The following RRP12 variants were observed in gnomAD, a reference collection of about 807,000 sequenced individuals.
The protein encoded by RRP12 is ribosomal RNA processing 12 homolog.
RRP12 carries 78 observed loss-of-function variants against 157.3 expected under a neutral mutation model. That is an observed-to-expected ratio of 0.50 (90% CI 0.41 to 0.60). The LOEUF (loss-of-function observed/expected upper bound fraction) is 0.60. Ranked by LOEUF, RRP12 falls within the 20% of genes least tolerant of loss-of-function variation. The pLI, the probability that RRP12 is intolerant of heterozygous loss-of-function variation, is 0.00. For synonymous variants in RRP12, 726 were observed against 670.9 expected, an observed-to-expected ratio of 1.08 and a Z score of -1.27; for missense variants, 1,521 against 1,679.9, an observed-to-expected ratio of 0.91 and a Z score of 1.65.
intron 8 of RRP12, 120 bp from the exon 9 acceptor site, chr10:97,386,113 A>C (rs963228768): frequency 1.7e-5 from 11 of 634,900 alleles, no homozygotes; most frequent in African/African-American, 1.3e-4. Flanking sequence ...CATGCCCCCC[A>C]CACAGAGACA....
intron 15 of RRP12, among the ~76,000 whole-genome samples, chr10:97,378,976 A>G (rs1040390077): frequency 6.6e-6 from 1 of 152,284 alleles, no homozygotes; most frequent in East Asian, 1.9e-4. Flanking sequence ...AAGGGCTTGC[A>G]TGAGGAAGAA....
At chr10:97,363,209 A>T (rs1843887256) in intron 30 of RRP12, among the ~76,000 whole-genome samples, 1 of 152,158 alleles carries the variant, frequency 6.6e-6, no homozygotes, top group Non-Finnish European at 1.5e-5. Flanking sequence ...TCCAGAATGG[A>T]AATGTTCCAC....
chr10:97,381,551 C>A (rs1554880095), intron 11 of RRP12, 68 bp from the exon 12 acceptor site: 1 of 1,316,168 alleles, frequency 7.6e-7, no homozygotes, highest in Non-Finnish European at 1.1e-6. Flanking sequence ...CCCTCCCAGG[C>A]AACAGTTTCC....
At chr10:97,389,523 G>C (rs944168562) in intron 6 of RRP12, among the ~76,000 whole-genome samples, 1 of 152,136 alleles carries the variant, frequency 6.6e-6, no homozygotes, top group Non-Finnish European at 1.5e-5. Context: ...CATCTGGGCT[G>C]ACGGTGCTTA....
rs1334058963 is a variant in RRP12, at chr10:97,370,914, A to T, written c.2502+9T>A. On this transcript the variant is annotated intron_variant, in intron 21 of 33. Coordinates refer to ENST00000370992, the MANE Select transcript of RRP12 (RefSeq NM_015179.4). ...CCCTCGGCAGAGCGGGTGGCCCTAGAGCCCTCACCCTCTTGGCGGGTGAGG... is the reference window on the plus strand; with the variant it reads ...CCCTCGGCAGAGCGGGTGGCCCTAGTGCCCTCACCCTCTTGGCGGGTGAGG... 3.1e-6 allele frequency: 5 copies of T among 1,613,684 alleles called. No homozygotes were observed. The highest frequency in any genetic ancestry group is 4.2e-6 in the Non-Finnish European group (5 of 1,179,858).
chr10:97,356,628 A>G (rs1843721137), downstream of RRP12: 1 of 155,056 alleles, frequency 6.4e-6, no homozygotes, highest in African/African-American at 2.4e-5. Flanking sequence ...AGGTCAGGCC[A>G]CTGCTGCCAA....
intron 2 of RRP12, among the ~76,000 whole-genome samples, chr10:97,399,451 G>C (rs926843975): frequency 1.1e-4 from 17 of 151,918 alleles, no homozygotes; most frequent in African/African-American, 4.1e-4. Context: ...CAAGTTGGGG[G>C]ATCTACCATC....
intron 15 of RRP12, 102 bp from the exon 16 acceptor site, chr10:97,373,996 T>C (rs1844234647): frequency 1.1e-6 from 1 of 871,970 alleles, no homozygotes; most frequent in Admixed American, 2.1e-5. Context: ...GACAGGAATA[T>C]GGGTGACTTC....
At chr10:97,397,903 A>T (rs1156831195) in intron 2 of RRP12, among the ~76,000 whole-genome samples, 1 of 149,118 alleles carries the variant, frequency 6.7e-6, no homozygotes, top group African/African-American at 2.5e-5. Context: ...TGACAAAGTG[A>T]GACTCTGTCT....
At chr10:97,377,036 T>C (rs1844329258) in intron 15 of RRP12, among the ~76,000 whole-genome samples, 1 of 151,836 alleles carries the variant, frequency 6.6e-6, no homozygotes. Flanking sequence ...CCTACCACCA[T>C]GCCTGGCTAA....
intron 2 of RRP12, among the ~76,000 whole-genome samples, chr10:97,399,698 T>TAC (rs201065046): frequency 2.2e-5 from 3 of 138,402 alleles, no homozygotes; most frequent in Admixed American, 1.5e-4. Flanking sequence ...CTACTAAAAA[T>TAC]ACACACACAC....
intron 2 of RRP12, among the ~76,000 whole-genome samples, chr10:97,399,170 G>A (rs946911740): frequency 1.3e-5 from 2 of 152,134 alleles, no homozygotes; most frequent in Non-Finnish European, 2.9e-5. Context: ...CTACTCGGGA[G>A]GCTGAGGCAG....
At chr10:97,385,344 A>C in intron 9 of RRP12, 87 bp from the exon 10 acceptor site, 5 of 1,026,532 alleles carry the variant, frequency 4.9e-6, no homozygotes, top group East Asian at 2.4e-5. Flanking sequence ...GGCACCAGCA[A>C]TGTCCTGGGG....
chr10:97,389,282 A>G (rs889586632), intron 6 of RRP12, among the ~76,000 whole-genome samples: 19 of 151,918 alleles, frequency 1.3e-4, no homozygotes, highest in African/African-American at 3.6e-4. Context: ...TTTAGTAGAG[A>G]CGGGGTTTCA....
chr10:97,370,395 G>A (rs1378459569), intron 23 of RRP12, 60 bp downstream of exon 23: 30 of 1,411,018 alleles, frequency 2.1e-5, no homozygotes, highest in Non-Finnish European at 2.5e-5. Context: ...TTTTTTGAGG[G>A]GTGCTTCCCC....
chr10:97,393,420 AT>A, intron 4 of RRP12: 1 of 618,932 alleles, frequency 1.6e-6, no homozygotes, highest in Non-Finnish European at 3.0e-6. Context: ...CCACGTGAAG[AT>A]TTTGGTGCTT....
intron 6 of RRP12, 115 bp from the exon 7 acceptor site, chr10:97,388,739 T>A (rs1001516874): frequency 1.6e-5 from 20 of 1,286,524 alleles, no homozygotes; most frequent in East Asian, 7.2e-5. Flanking sequence ...CCAATGATGA[T>A]CTGACTACTA....
intron 15 of RRP12, among the ~76,000 whole-genome samples, chr10:97,376,409 T>A (rs182788387): frequency 6.6e-6 from 1 of 151,890 alleles, no homozygotes; most frequent in East Asian, 2.0e-4. Context: ...GAGACGGGGT[T>A]TCTCCATGTT....
In RRP12 at chr10:97,390,456, C is replaced by G. The variant is rs775371210; in HGVS notation, c.720G>C (p.Gly240=). Residue 240 remains glycine, a synonymous_variant, in exon 6 of 34, where the codon GGG becomes GGC. Transcript: ENST00000370992. ...TGGGATGCACCGTGAAGCTCAGCAGCCCATGGTACACCTGAAGGGTCACGG... is the reference window on the plus strand; with the variant it reads ...TGGGATGCACCGTGAAGCTCAGCAGGCCATGGTACACCTGAAGGGTCACGG... ...GYPVTLQVYH[G]LLSFTVHPKP... is the part of the protein sequence containing the mutation. The G allele has an allele frequency of 1.2e-6, 2 of 1,614,098 alleles. No homozygotes were observed. The highest frequency in any genetic ancestry group is 3.3e-5 in the Admixed American group (2 of 60,034).
Sources: gnomAD v4.1 joint callset for allele counts (sites outside exome capture counted in the v4.1 genomes callset) on GRCh38, gnomAD v4.1.1 for gene constraint, MANE v1.5 for transcripts, NCBI Gene and HGNC (gene_info 2026-07-23, HGNC 2026-07-21) for gene names.